TDRD5: variants seen among roughly 807,000 people sequenced by gnomAD.
TDRD5 encodes tudor domain containing 5.
In TDRD5, 41 loss-of-function variants were observed where a neutral mutation model predicts 120.6. The ratio of observed to expected loss-of-function variants is 0.34; its 90% confidence interval spans 0.26 to 0.44. The LOEUF (loss-of-function observed/expected upper bound fraction) is 0.44, where lower values mean the gene tolerates loss of function less well. TDRD5 is among the 20% of genes least tolerant of loss of function. TDRD5 has a pLI of 1.00. For missense variants in TDRD5, 1,006 were observed against 1,221.2 expected (o/e 0.82, Z 2.63); for synonymous variants, 430 against 433.7 (o/e 0.99, Z 0.11).
intron 17 of TDRD5, among the ~76,000 whole-genome samples, chr1:179,675,924 C>T (rs893755824): frequency 6.6e-6 from 1 of 152,108 alleles, no homozygotes; most frequent in Non-Finnish European, 1.5e-5. Context: ...TGTTGACTTT[C>T]TGTCTAGTGC....
At chr1:179,646,748 C>CA (rs1159796350) in intron 11 of TDRD5, among the ~76,000 whole-genome samples, 1 of 152,176 alleles carries the variant, frequency 6.6e-6, no homozygotes, top group African/African-American at 2.4e-5. Flanking sequence ...TGAGCAACTT[C>CA]AGCAAAGTCT....
chr1:179,684,052 AT>A (rs997104913), intron 17 of TDRD5, among the ~76,000 whole-genome samples: 11 of 151,432 alleles, frequency 7.3e-5, no homozygotes, highest in East Asian at 1.9e-4. Flanking sequence ...CTTTTATTTC[AT>A]TTTTTTTATT....
intron 9 of TDRD5, among the ~76,000 whole-genome samples, chr1:179,637,242 G>A (rs1409829680): frequency 6.6e-6 from 1 of 152,060 alleles, no homozygotes; most frequent in African/African-American, 2.4e-5. Flanking sequence ...ATAATCACTT[G>A]GTAAAAATAT....
intron 3 of TDRD5, among the ~76,000 whole-genome samples, chr1:179,594,600 A>AT (rs1183150259): frequency 6.6e-6 from 1 of 152,384 alleles, no homozygotes; most frequent in African/African-American, 2.4e-5. Context: ...TCCCTTGACA[A>AT]TGTACAGTTT....
intron 12 of TDRD5, 114 bp from the exon 13 acceptor site, chr1:179,651,925 T>A: frequency 8.3e-7 from 1 of 1,210,306 alleles, no homozygotes; most frequent in South Asian, 1.4e-5. Context: ...AATAAATAAA[T>A]AAAATTTGGA....
intron 14 of TDRD5, 142 bp downstream of exon 14, chr1:179,654,504 C>T (rs1678883720): frequency 2.2e-6 from 2 of 906,014 alleles, no homozygotes; most frequent in Admixed American, 6.6e-5. Flanking sequence ...ATGGTTCACA[C>T]CTGTAATCCC....
At chr1:179,631,856 T>TG (rs1294669022) in intron 7 of TDRD5, among the ~76,000 whole-genome samples, 65 of 148,424 alleles carry the variant, frequency 4.4e-4, no homozygotes, top group Middle Eastern at 3.4e-3. Context: ...ACTTGATTTT[T>TG]TTTTTTTTTT....
intron 17 of TDRD5, among the ~76,000 whole-genome samples, chr1:179,671,943 T>A (rs1008353691): frequency 1.4e-5 from 2 of 144,716 alleles, no homozygotes; most frequent in Non-Finnish European, 3.0e-5. Flanking sequence ...CTGAGAAATA[T>A]TCCATGGTGT....
chr1:179,644,769 T>C (rs1678249720), intron 11 of TDRD5, among the ~76,000 whole-genome samples: 1 of 152,116 alleles, frequency 6.6e-6, no homozygotes, highest in Admixed American at 6.5e-5. Context: ...CCATTTTGAA[T>C]AGTTTTTTCA....
intron 4 of TDRD5, among the ~76,000 whole-genome samples, chr1:179,616,288 C>T (rs541289059): frequency 6.6e-6 from 1 of 152,250 alleles, no homozygotes; most frequent in South Asian, 2.1e-4. Context: ...CTACATAGAA[C>T]TTGAGGTCCT....
At chr1:179,617,167 G>C (rs1051208256) in intron 4 of TDRD5, among the ~76,000 whole-genome samples, 1 of 152,106 alleles carries the variant, frequency 6.6e-6, no homozygotes, top group African/African-American at 2.4e-5. Context: ...AAATGCCCAA[G>C]AAAATGTGAA....
intron 6 of TDRD5, among the ~76,000 whole-genome samples, chr1:179,628,353 G>C (rs1163920430): frequency 1.1e-5 from 1 of 94,416 alleles, no homozygotes; most frequent in East Asian, 3.3e-4. Context: ...TTTTTTTTAA[G>C]ACGGGGTCTT....
chr1:179,657,139 T>C (rs938315891), intron 14 of TDRD5, among the ~76,000 whole-genome samples: 1 of 152,232 alleles, frequency 6.6e-6, no homozygotes, highest in African/African-American at 2.4e-5. Context: ...GGTTCCTTTT[T>C]CTTTCCTTGT....
intron 7 of TDRD5, among the ~76,000 whole-genome samples, chr1:179,634,211 C>T (rs1381550242): frequency 6.6e-6 from 1 of 151,830 alleles, no homozygotes; most frequent in East Asian, 1.9e-4. Flanking sequence ...TATCAGATCA[C>T]AAGCCTCCCT....
chr1:179,617,154 T>C (rs1558381947), intron 4 of TDRD5, among the ~76,000 whole-genome samples: 1 of 152,110 alleles, frequency 6.6e-6, no homozygotes, highest in African/African-American at 2.4e-5. Context: ...CCCAGACCCA[T>C]GGAAATGCCC....
At chr1:179,615,219 C>G (rs1222091509) in intron 4 of TDRD5, among the ~76,000 whole-genome samples, 1 of 152,090 alleles carries the variant, frequency 6.6e-6, no homozygotes, top group Non-Finnish European at 1.5e-5. Flanking sequence ...CCATATCTAG[C>G]TTATTTACCT....
In TDRD5 at chr1:179,640,027, A is replaced by T. The variant is rs746369643; in HGVS notation, c.1709A>T (p.Gln570Leu). ...YPDFGNIGIV[Q>L]KSSLRFLKCC... ...GACTTTGGAAATATTGGAATTGTTC[A>T]GAAGTCCTCCCTGAGGTTCCTCAAG... The change falls in exon 10 of 18, where the codon CAG becomes CTG. Residue 570 changes from glutamine to leucine, a missense_variant. Physicochemically the swap from Gln to Leu is moderately radical, Grantham distance 113 (BLOSUM62 -2). Around this residue, in one of 3 missense-constraint regions of TDRD5, gnomAD observed 158 missense variants for 257.5 expected, o/e 0.61. Transcript: ENST00000444136. 2 of 1,614,164 alleles carry T rather than the reference A, an allele frequency of 1.2e-6. No homozygotes were observed. Among genetic ancestry groups the T allele is most frequent in the South Asian group, 2.2e-5 (2 of 91,076 alleles).
chr1:179,653,751 C>T (rs1167279505), intron 13 of TDRD5, among the ~76,000 whole-genome samples: 3 of 151,988 alleles, frequency 2.0e-5, no homozygotes, highest in Non-Finnish European at 4.4e-5. Context: ...TTAAGACTCC[C>T]ATATGCTACA....
intron 5 of TDRD5, 130 bp downstream of exon 5, chr1:179,618,812 C>G: frequency 1.7e-6 from 1 of 599,732 alleles, no homozygotes; most frequent in Non-Finnish European, 2.6e-6. Context: ...AGCAACAATT[C>G]TTTTAGACTA....
Sources: allele counts gnomAD v4.1 joint callset (sites outside exome capture counted in the v4.1 genomes callset), GRCh38; gene constraint gnomAD v4.1.1; regional missense constraint gnomAD v4.1.1; transcripts MANE v1.5; gene names NCBI Gene and HGNC (gene_info 2026-07-23, HGNC 2026-07-21).